RUNX1: variants seen among roughly 807,000 people sequenced by gnomAD.
RUNX1 encodes the protein RUNX family transcription factor 1, also known as runt-related transcription factor 1.
Under a neutral mutation model 42.8 loss-of-function variants are expected in RUNX1, and 19 were observed. The ratio of observed to expected loss-of-function variants is 0.44; its 90% CI spans 0.31 to 0.65. The LOEUF is 0.65. RUNX1 is among the 30% of genes least tolerant of loss of function. The pLI is 0.07. For synonymous variants in RUNX1, 271 were observed against 289.4 expected, an observed-to-expected ratio of 0.94 and a Z score of 0.64; for missense variants, 528 against 672.0, an observed-to-expected ratio of 0.79 and a Z score of 2.37.
chr21:34,815,812 T>C (rs1034157590), intron 7 of RUNX1, among the ~76,000 whole-genome samples: 3 of 152,198 alleles, frequency 2.0e-5, no homozygotes, highest in Admixed American at 2.0e-4. Flanking sequence ...CCGATGAGGC[T>C]GAGCAGTCTT....
chr21:34,855,547 A>T (rs1010945351), intron 6 of RUNX1, among the ~76,000 whole-genome samples: 6 of 152,168 alleles, frequency 3.9e-5, no homozygotes, highest in Non-Finnish European at 8.8e-5. Context: ...TCTACTAAAA[A>T]TACAAAAATT....
chr21:35,016,275 G>T (rs2059158473), intron 2 of RUNX1, among the ~76,000 whole-genome samples: 1 of 152,208 alleles, frequency 6.6e-6, no homozygotes, highest in South Asian at 2.1e-4. Context: ...GTGACTGCAA[G>T]GTGAAGTGGC....
intron 2 of RUNX1, among the ~76,000 whole-genome samples, chr21:35,022,468 A>G (rs1474892044): frequency 6.6e-6 from 1 of 152,266 alleles, no homozygotes; most frequent in Non-Finnish European, 1.5e-5. Flanking sequence ...GCTTTGACTT[A>G]TAACATGTGC....
intron 2 of RUNX1, among the ~76,000 whole-genome samples, chr21:34,904,573 G>A (rs2058202762): frequency 6.6e-6 from 1 of 152,132 alleles, no homozygotes. Context: ...TTGAACCACT[G>A]ACCAATTAGT....
intron 2 of RUNX1, among the ~76,000 whole-genome samples, chr21:34,921,550 T>A (rs1015096554): frequency 6.6e-6 from 1 of 152,228 alleles, no homozygotes; most frequent in Admixed American, 6.5e-5. Context: ...TTGGGTTGCT[T>A]CCACCTTTTG....
intron 5 of RUNX1, among the ~76,000 whole-genome samples, chr21:34,875,435 G>C (rs1189517877): frequency 6.6e-6 from 1 of 152,128 alleles, no homozygotes; most frequent in African/African-American, 2.4e-5. Flanking sequence ...ATATTTGCTT[G>C]CAATGAGATC....
intron 2 of RUNX1, among the ~76,000 whole-genome samples, chr21:35,001,645 C>T (rs773598947): frequency 7.9e-5 from 12 of 151,940 alleles, no homozygotes; most frequent in African/African-American, 1.2e-4. Context: ...AAATTCTAGC[C>T]GGAGCAATTA....
intron 2 of RUNX1, among the ~76,000 whole-genome samples, chr21:34,984,305 G>A (rs1240301483): frequency 1.3e-5 from 2 of 152,186 alleles, no homozygotes; most frequent in African/African-American, 4.8e-5. Flanking sequence ...TGGATAATTT[G>A]TTCTTGGAGG....
chr21:34,883,897 A>G (rs1247357319), intron 4 of RUNX1, among the ~76,000 whole-genome samples: 1 of 152,234 alleles, frequency 6.6e-6, no homozygotes, highest in Non-Finnish European at 1.5e-5. Context: ...CTGAGATGAT[A>G]TTTAAGGCAT....
At chr21:34,858,667 G>A (rs1298892400) in intron 6 of RUNX1, among the ~76,000 whole-genome samples, 3 of 152,124 alleles carry the variant, frequency 2.0e-5, no homozygotes, top group African/African-American at 7.2e-5. Context: ...TTCCACCAGG[G>A]ACCTGATACG....
chr21:34,896,986 G>GTA (rs1015439927), intron 2 of RUNX1, among the ~76,000 whole-genome samples: 1 of 152,116 alleles, frequency 6.6e-6, no homozygotes, highest in Admixed American at 6.5e-5. Context: ...AGGTGTTTGT[G>GTA]TATATATATG....
intron 2 of RUNX1, among the ~76,000 whole-genome samples, chr21:34,996,965 A>G (rs1330439380): frequency 6.6e-6 from 1 of 152,276 alleles, no homozygotes; most frequent in African/African-American, 2.4e-5. Context: ...CCATAGGGTT[A>G]ACATCTGAGA....
intron 5 of RUNX1, among the ~76,000 whole-genome samples, chr21:34,866,075 A>G (rs1296838466): frequency 6.6e-6 from 1 of 151,964 alleles, no homozygotes; most frequent in African/African-American, 2.4e-5. Context: ...CACTCTCCTT[A>G]GTGTAGGTCT....
intron 2 of RUNX1, among the ~76,000 whole-genome samples, chr21:34,935,531 T>A (rs1197470283): frequency 5.9e-5 from 9 of 152,188 alleles, no homozygotes; most frequent in Admixed American, 5.9e-4. Flanking sequence ...ATATGATTGC[T>A]GTGAATGACA....
chr21:34,992,452 G>A (rs754333763), intron 2 of RUNX1, among the ~76,000 whole-genome samples: 10 of 152,096 alleles, frequency 6.6e-5, no homozygotes, highest in Non-Finnish European at 1.2e-4. Flanking sequence ...AATCCCTGAA[G>A]TGAACATGAG....
chr21:34,905,474 T>C (rs1053915723), intron 2 of RUNX1, among the ~76,000 whole-genome samples: 15 of 152,212 alleles, frequency 9.9e-5, no homozygotes, highest in African/African-American at 3.6e-4. Context: ...TGTATGATGC[T>C]CTTTTCTGAT....
At chr21:34,941,479 G>C (rs1449047411) in intron 2 of RUNX1, among the ~76,000 whole-genome samples, 1 of 151,832 alleles carries the variant, frequency 6.6e-6, no homozygotes, top group Non-Finnish European at 1.5e-5. Flanking sequence ...TACACAGAGA[G>C]CCTGGCTGTG....
intron 4 of RUNX1, among the ~76,000 whole-genome samples, chr21:34,883,077 C>T (rs1358406438): frequency 1.3e-5 from 2 of 152,230 alleles, no homozygotes; most frequent in East Asian, 1.9e-4. Flanking sequence ...CAAGCCTGTG[C>T]CTCTCTCATC....
intron 3 of RUNX1, chr21:34,888,820 G>T: frequency 2.5e-6 from 1 of 401,078 alleles, no homozygotes; most frequent in Non-Finnish European, 3.5e-6. Context: ...CCAGGGCGCG[G>T]CTCGCCGCCG....
Sources: gnomAD v4.1 joint callset for allele counts (sites outside exome capture counted in the v4.1 genomes callset) on GRCh38, gnomAD v4.1.1 for gene constraint, MANE v1.5 for transcripts, NCBI Gene and HGNC (gene_info 2026-07-23, HGNC 2026-07-21) for gene names.